The following CCDC180 variants were observed in gnomAD, a reference collection of about 807,000 sequenced individuals.
CCDC180 encodes the protein coiled-coil domain-containing protein 180.
CCDC180 carries 154 observed loss-of-function variants against 209.2 expected under a neutral mutation model. The observed-to-expected ratio is 0.74, with a 90% CI of 0.65 to 0.84. The LOEUF (loss-of-function observed/expected upper bound fraction) is 0.84, where lower values mean the gene tolerates loss of function less well. CCDC180 is among the 40% of genes least tolerant of loss of function. The pLI, the probability that CCDC180 is intolerant of heterozygous loss-of-function variation, is 0.00. For missense variants in CCDC180, 1,874 were observed against 1,997.3 expected (o/e 0.94, Z 1.18); for synonymous variants, 778 against 749.1 (o/e 1.04, Z -0.63).
chr9:97,348,188 C>T (rs1442491560), intron 20 of CCDC180, among the ~76,000 whole-genome samples: 2 of 151,864 alleles, frequency 1.3e-5, no homozygotes, highest in Non-Finnish European at 2.9e-5. Context: ...AATTATACTC[C>T]AACTCCTTCA....
At chr9:97,340,139 A>G (rs953698122) in intron 18 of CCDC180, among the ~76,000 whole-genome samples, 1 of 152,158 alleles carries the variant, frequency 6.6e-6, no homozygotes, top group Non-Finnish European at 1.5e-5. Flanking sequence ...TGTTATTACC[A>G]ACTTTCTGAA....
At chr9:97,346,945 A>G (rs1826276770) in intron 19 of CCDC180, among the ~76,000 whole-genome samples, 1 of 152,222 alleles carries the variant, frequency 6.6e-6, no homozygotes, top group Admixed American at 6.5e-5. Flanking sequence ...TCAAATTTAG[A>G]CGTCTGACAA....
At chr9:97,330,835 T>C in intron 18 of CCDC180, 68 bp downstream of exon 18, 2 of 1,430,494 alleles carry the variant, frequency 1.4e-6, no homozygotes, top group Non-Finnish European at 1.9e-6. Context: ...TGTTTATCCC[T>C]AGTGTAAGCT....
intron 29 of CCDC180, chr9:97,364,500 T>G: frequency 4.9e-6 from 1 of 204,040 alleles, no homozygotes; most frequent in South Asian, 7.6e-5. Context: ...ATAGCTTCAT[T>G]GCAAGCAAAC....
chr9:97,331,791 G>C (rs891910101), intron 18 of CCDC180, among the ~76,000 whole-genome samples: 3 of 152,132 alleles, frequency 2.0e-5, no homozygotes, highest in African/African-American at 7.2e-5. Context: ...ATAGATTCTG[G>C]ATATTAGACC....
At chr9:97,355,654 AGTCAAAATGTGAACCCAG>A (rs1362228617) in intron 24 of CCDC180, among the ~76,000 whole-genome samples, 1 of 152,190 alleles carries the variant, frequency 6.6e-6, no homozygotes, top group Admixed American at 6.5e-5. Context: ...TAAAGGGTAA[AGTCAAAATGTGAACCCAG>A]GTCTGACCGA....
At position 97,366,552 on chromosome 9, in the gene CCDC180, C is replaced by T. The variant is rs1003401175; in HGVS notation, c.4048-7C>T. 2.5e-6 allele frequency: 4 copies of T among 1,613,592 alleles called. No individual in the cohort carries two copies. The highest frequency in any genetic ancestry group is 2.7e-5 in the African/African-American group (2 of 74,916). ...CCTCACCCGCACATGGTCACCCTCTCTGGCAGGAGTTCTACCGTAAAGAAA... is the reference window on the plus strand; with the variant it reads ...CCTCACCCGCACATGGTCACCCTCTTTGGCAGGAGTTCTACCGTAAAGAAA... On this transcript the variant is annotated splice_polypyrimidine_tract_variant and splice_region_variant and intron_variant, in intron 30 of 36. Coordinates refer to ENST00000529487, the MANE Select transcript of CCDC180 (RefSeq NM_020893.6). This position sits in a 1 kb window ranked among gnomAD's most constrained non-coding sequence, Gnocchi z 4.3.
At chr9:97,339,470 A>G (rs993525718) in intron 18 of CCDC180, among the ~76,000 whole-genome samples, 3 of 152,216 alleles carry the variant, frequency 2.0e-5, no homozygotes, top group African/African-American at 7.2e-5. Context: ...TTCTTTAAGA[A>G]TATTGAATAT....
At chr9:97,311,703 G>T (rs556465351) in intron 3 of CCDC180, among the ~76,000 whole-genome samples, 1 of 152,314 alleles carries the variant, frequency 6.6e-6, no homozygotes, top group East Asian at 1.9e-4. Flanking sequence ...GTTACCTCAA[G>T]TACGTCATAG....
intron 21 of CCDC180, 47 bp downstream of exon 21, chr9:97,349,338 C>T (rs955309216): frequency 6.0e-6 from 9 of 1,490,698 alleles, no homozygotes; most frequent in Middle Eastern, 3.4e-4. Flanking sequence ...GCTCTGGAAT[C>T]CCAGTTCGGC....
chr9:97,325,005 C>T lies in CCDC180; in HGVS notation c.1372-14C>T. On this transcript the variant is annotated splice_polypyrimidine_tract_variant and intron_variant, in intron 13 of 36. Coordinates refer to ENST00000529487, the MANE Select transcript of CCDC180 (RefSeq NM_020893.6). ...TCAGCCCTTAAGTCCCTTCTCTGGG[C>T]TCTGCCACTGCAGAAATCCTTCGAG... The T allele has an allele frequency of 6.2e-7, 1 of 1,610,662 alleles. No individual in the cohort carries two copies. The highest frequency in any genetic ancestry group is 8.5e-7 in the Non-Finnish European group (1 of 1,178,296).
intron 3 of CCDC180, among the ~76,000 whole-genome samples, chr9:97,311,359 C>T (rs1423406512): frequency 6.6e-6 from 1 of 152,248 alleles, no homozygotes; most frequent in East Asian, 1.9e-4. Context: ...CAGCAGCTTC[C>T]TCCCTGCTAG....
intron 27 of CCDC180, 60 bp from the exon 28 acceptor site, chr9:97,362,136 T>C (rs1486257806): frequency 1.3e-6 from 2 of 1,565,394 alleles, no homozygotes; most frequent in Non-Finnish European, 1.7e-6. Flanking sequence ...GCTCAGAGCC[T>C]GGCCTGAGCT....
intron 33 of CCDC180, 107 bp downstream of exon 33, chr9:97,370,885 C>T: frequency 8.2e-7 from 1 of 1,225,732 alleles, no homozygotes; most frequent in East Asian, 2.5e-5. Flanking sequence ...TTGCCCAAAG[C>T]AGGCATGATC....
In CCDC180 at chr9:97,370,732, A is replaced by G; in HGVS notation, c.4442A>G (p.Gln1481Arg). 2 of 1,614,192 alleles carry G rather than the reference A, an allele frequency of 1.2e-6. No homozygotes were observed. Among genetic ancestry groups the G allele is most frequent in the South Asian group, 1.1e-5 (1 of 91,088 alleles). Residue 1481 changes from glutamine (Q) to arginine (R), a missense_variant, in exon 33 of 37, where the codon CAG becomes CGG. Physicochemically the swap from Gln to Arg is conservative, Grantham distance 43 (BLOSUM62 1). Coordinates refer to ENST00000529487, the MANE Select transcript of CCDC180 (RefSeq NM_020893.6). ...CTACACTTAAGTGAAGAGGAAAGGCAGGAAGAGCTGGACAGCATGATTAGG... is the reference window on the plus strand; with the variant it reads ...CTACACTTAAGTGAAGAGGAAAGGCGGGAAGAGCTGGACAGCATGATTAGG... ...ESLHLSEEER[Q>R]EELDSMIRMN...
chr9:97,321,245 T>C (rs1310950084), intron 11 of CCDC180, among the ~76,000 whole-genome samples: 1 of 152,224 alleles, frequency 6.6e-6, no homozygotes, highest in African/African-American at 2.4e-5. Context: ...GGTGGATTTA[T>C]TGGGACATAA....
Position 97,323,913 on chromosome 9 carries a change from G to A in CCDC180, c.1371+10G>A. The A allele has an allele frequency of 6.4e-7, 1 of 1,552,162 alleles. No individual in the cohort carries two copies. Among genetic ancestry groups the A allele is most frequent in the Non-Finnish European group, 8.7e-7 (1 of 1,147,558 alleles). The stretch of plus-strand genomic sequence containing the variant: ...CCTGGAGCTCTTGGACGTGCGTGCT[G>A]GGGACTGTTCCACTGGGGAGCTGAG... On this transcript the variant is annotated intron_variant, in intron 13 of 36. Coordinates refer to ENST00000529487, the MANE Select transcript of CCDC180 (RefSeq NM_020893.6).
Position 97,325,004 on chromosome 9 carries a change from G to A in CCDC180, c.1372-15G>A. On this transcript the variant is annotated splice_polypyrimidine_tract_variant and intron_variant, in intron 13 of 36. Transcript: ENST00000529487. ...GTCAGCCCTTAAGTCCCTTCTCTGG[G>A]CTCTGCCACTGCAGAAATCCTTCGA... 2 of 1,610,732 alleles carry A rather than the reference G, an allele frequency of 1.2e-6. No homozygotes were observed. The highest frequency in any genetic ancestry group is 1.7e-4 in the Middle Eastern group (1 of 5,976).
chr9:97,340,304 T>G (rs1313446254), intron 18 of CCDC180, among the ~76,000 whole-genome samples: 1 of 152,166 alleles, frequency 6.6e-6, no homozygotes, highest in East Asian at 1.9e-4. Context: ...GGTTTTTATC[T>G]ACCTTTGGTC....
Sources: gnomAD v4.1 joint callset for allele counts (sites outside exome capture counted in the v4.1 genomes callset) on GRCh38, gnomAD v4.1.1 for gene constraint, Gnocchi (gnomAD v3.1) non-coding constraint, MANE v1.5 for transcripts, NCBI Gene and HGNC (gene_info 2026-07-23, HGNC 2026-07-21) for gene names.